GRIK1: variants seen among roughly 807,000 people sequenced by gnomAD.
The protein encoded by GRIK1 is glutamate receptor ionotropic, kainate 1.
A neutral mutation model predicts 105.7 loss-of-function variants in GRIK1; 69 were observed. That is an observed-to-expected ratio of 0.65 (90% CI 0.54 to 0.80). The LOEUF is 0.80. Among genes scored for constraint, GRIK1 ranks in the 30% least tolerant of loss-of-function variants. The probability of loss-of-function intolerance (pLI) is 0.00; values close to 1 mark genes in which losing one functional copy is unlikely to be tolerated. For synonymous variants in GRIK1, 438 were observed against 431.3 expected (o/e 1.02, Z -0.19); for missense variants, 1,109 against 1,167.3 (o/e 0.95, Z 0.73).
At chr21:29,874,915 G>A (rs1351462231) in intron 1 of GRIK1, among the ~76,000 whole-genome samples, 7 of 151,482 alleles carry the variant, frequency 4.6e-5, no homozygotes, top group Admixed American at 4.6e-4. Flanking sequence ...TTTCAGAAAC[G>A]ATTTCCAAAA....
rs574583956 is a variant in GRIK1, at chr21:29,802,071, T to C, written c.119-108008A>G. ...TTTCAGAAGCTGAGTTTTCCAGTTA[T>C]GCTGAAACTGAGAGGAAAAAGCTCC... On this transcript the variant is annotated intron_variant, in intron 1 of 17. Coordinates refer to ENST00000327783, the MANE Select transcript of GRIK1 (RefSeq NM_001330994.2). 2.4e-4 allele frequency among the ~76,000 whole-genome samples: 37 copies of C among 152,268 alleles called. No homozygotes were observed. In the South Asian group the frequency reaches 5.4e-3, roughly 22 times the overall value.
At chr21:29,843,325 A>G (rs1436804118) in intron 1 of GRIK1, among the ~76,000 whole-genome samples, 2 of 152,138 alleles carry the variant, frequency 1.3e-5, no homozygotes. Flanking sequence ...TGGCCTTTTG[A>G]GGACTTACAA....
chr21:29,723,804 A>G (rs2064384282), intron 1 of GRIK1, among the ~76,000 whole-genome samples: 1 of 152,098 alleles, frequency 6.6e-6, no homozygotes, highest in Non-Finnish European at 1.5e-5. Context: ...TGGAACTCCA[A>G]TATTGTTTTT....
At chr21:29,766,779 G>A (rs1221946900) in intron 1 of GRIK1, among the ~76,000 whole-genome samples, 1 of 151,694 alleles carries the variant, frequency 6.6e-6, no homozygotes, top group South Asian at 2.1e-4. Context: ...TCTCCCCCAG[G>A]GCCGCATGTA....
chr21:29,553,209 G>A (rs2090165821), intron 16 of GRIK1: 1 of 991,776 alleles, frequency 1.0e-6, no homozygotes, highest in Admixed American at 6.0e-5. Flanking sequence ...TTAGCATCGT[G>A]TTTCCATGCT....
intron 7 of GRIK1, among the ~76,000 whole-genome samples, chr21:29,605,525 A>G (rs1262808764): frequency 1.3e-5 from 2 of 152,162 alleles, no homozygotes; most frequent in African/African-American, 2.4e-5. Flanking sequence ...TGCAATGAAC[A>G]TAAGTGTGCA....
chr21:29,679,098 A>G (rs1404268261), intron 3 of GRIK1, among the ~76,000 whole-genome samples: 1 of 152,216 alleles, frequency 6.6e-6, no homozygotes, highest in Non-Finnish European at 1.5e-5. Context: ...TCTATTTAGG[A>G]CAGTGCACAT....
chr21:29,748,065 AAAGC>A (rs931330232), intron 1 of GRIK1: 47 of 152,372 alleles, frequency 3.1e-4, no homozygotes, highest in African/African-American at 1.1e-3. Flanking sequence ...TAACACTGTG[AAAGC>A]AAGGTGTATG....
intron 1 of GRIK1, among the ~76,000 whole-genome samples, chr21:29,778,490 G>A (rs1166950908): frequency 6.6e-6 from 1 of 152,176 alleles, no homozygotes; most frequent in Non-Finnish European, 1.5e-5. Context: ...CATGAAAGAT[G>A]TTTGATGGAC....
chr21:29,648,018 T>A (rs1044921056), intron 6 of GRIK1, among the ~76,000 whole-genome samples: 1 of 152,228 alleles, frequency 6.6e-6, no homozygotes, highest in Non-Finnish European at 1.5e-5. Context: ...GACTGATTTC[T>A]CTATTTTCAG....
chr21:29,687,810 T>C (rs2063512434), intron 3 of GRIK1, among the ~76,000 whole-genome samples: 2 of 152,246 alleles, frequency 1.3e-5, no homozygotes, highest in South Asian at 2.1e-4. Context: ...ATTTGAAATC[T>C]ACAATGCCTA....
intron 1 of GRIK1, among the ~76,000 whole-genome samples, chr21:29,881,255 C>T (rs1601931885): frequency 6.6e-6 from 1 of 152,094 alleles, no homozygotes; most frequent in East Asian, 1.9e-4. Flanking sequence ...TTTGCCTAAT[C>T]TGAGTGCTAG....
intron 9 of GRIK1, chr21:29,596,309 T>C (rs1441943607): frequency 1.5e-6 from 1 of 680,400 alleles, no homozygotes; most frequent in African/African-American, 1.8e-5. Flanking sequence ...ATTTAATCCA[T>C]AATTATTTAA....
At chr21:29,623,609 G>A (rs890742516) in intron 7 of GRIK1, among the ~76,000 whole-genome samples, 10 of 152,094 alleles carry the variant, frequency 6.6e-5, no homozygotes, top group Admixed American at 5.2e-4. Flanking sequence ...ATTGCTCAAT[G>A]TATAAATCCA....
At chr21:29,763,056 C>A (rs945294627) in intron 1 of GRIK1, among the ~76,000 whole-genome samples, 1 of 152,138 alleles carries the variant, frequency 6.6e-6, no homozygotes, top group African/African-American at 2.4e-5. Context: ...GCTAAGGGGA[C>A]TGATATGGTT....
At chr21:29,838,757 G>T (rs2067882386) in intron 1 of GRIK1, among the ~76,000 whole-genome samples, 1 of 152,152 alleles carries the variant, frequency 6.6e-6, no homozygotes, top group African/African-American at 2.4e-5. Flanking sequence ...AGAATGTCCT[G>T]TAATCTCTTG....
At chr21:29,540,631 A>G (rs552648695) in intron 16 of GRIK1, among the ~76,000 whole-genome samples, 4 of 152,326 alleles carry the variant, frequency 2.6e-5, no homozygotes, top group African/African-American at 9.6e-5. Context: ...AATTAAGGAT[A>G]CATATAAAGA....
intron 7 of GRIK1, among the ~76,000 whole-genome samples, chr21:29,618,052 A>T (rs772711670): frequency 6.6e-5 from 10 of 152,136 alleles, no homozygotes; most frequent in Non-Finnish European, 1.5e-4. Context: ...AGTGTCCCTT[A>T]GTGTCACCTT....
chr21:29,577,222 A>G lies in GRIK1; in HGVS notation c.1913-41T>C, dbSNP rs1271748900. ...CAGAGTAAGGGTGTTAAACACAGTC[A>G]GAAGGAAAGGGAAGATGTACAGTTC... On this transcript the variant is annotated intron_variant, in intron 13 of 17. Coordinates refer to ENST00000327783, the MANE Select transcript of GRIK1 (RefSeq NM_001330994.2). 3.6e-6 allele frequency: 4 copies of G among 1,119,062 alleles called. No homozygotes were observed. In the East Asian group the frequency reaches 9.4e-5, roughly 26 times the overall value. 69.3% of individuals were successfully genotyped at this position (1,119,062 alleles called of 1,614,324 possible).
Sources: allele counts gnomAD v4.1 joint callset (sites outside exome capture counted in the v4.1 genomes callset), GRCh38; gene constraint gnomAD v4.1.1; transcripts MANE v1.5; gene names NCBI Gene and HGNC (gene_info 2026-07-23, HGNC 2026-07-21).